Variants in TMC5 observed in about 807,000 individuals in gnomAD.
TMC5 encodes transmembrane channel like 5, also known as transmembrane channel-like protein 5.
A neutral mutation model predicts 110.5 loss-of-function variants in TMC5; 86 were observed. The observed-to-expected ratio is 0.78, with a 90% CI of 0.65 to 0.93. The LOEUF is 0.93. Among genes scored for constraint, TMC5 ranks in the 40% least tolerant of loss-of-function variants. The pLI is 0.00. For synonymous variants in TMC5, 455 were observed against 439.5 expected (o/e 1.04, Z -0.44); for missense variants, 1,144 against 1,222.8 (o/e 0.94, Z 0.96).
chr16:19,441,041 C>A (rs1057083643), intron 3 of TMC5, among the ~76,000 whole-genome samples: 1 of 152,188 alleles, frequency 6.6e-6, no homozygotes, highest in African/African-American at 2.4e-5. Context: ...CTTAATCTTT[C>A]ACCATCTCTT....
chr16:19,432,805 A>T (rs1360754765), intron 2 of TMC5, among the ~76,000 whole-genome samples: 3 of 152,154 alleles, frequency 2.0e-5, no homozygotes, highest in Admixed American at 6.6e-5. Flanking sequence ...GATCACATAT[A>T]ACATCCATCT....
At chr16:19,421,949 G>A (rs914414072) in intron 1 of TMC5, among the ~76,000 whole-genome samples, 1 of 151,700 alleles carries the variant, frequency 6.6e-6, no homozygotes, top group Non-Finnish European at 1.5e-5. Context: ...AGAGAGAGAG[G>A]GCCGGGCGCG....
At chr16:19,452,888 A>G (rs1259769571) in intron 5 of TMC5, among the ~76,000 whole-genome samples, 2 of 152,082 alleles carry the variant, frequency 1.3e-5, no homozygotes, top group African/African-American at 4.8e-5. Flanking sequence ...AGAGCAAATG[A>G]AAAGAGGCAG....
intron 5 of TMC5, chr16:19,457,013 C>G (rs1393243635): frequency 1.4e-5 from 23 of 1,599,942 alleles, no homozygotes; most frequent in Non-Finnish European, 2.0e-5. Context: ...TGAAACTGTT[C>G]AAGGTAGTGA....
At chr16:19,416,224 C>T (rs1465344123), upstream of TMC5, among the ~76,000 whole-genome samples, 1 of 151,484 alleles carries the variant, frequency 6.6e-6, no homozygotes, top group Non-Finnish European at 1.5e-5. Flanking sequence ...TAACTATAGA[C>T]CCCAATACTT....
At chr16:19,450,006 G>A (rs16972016) in intron 5 of TMC5, among the ~76,000 whole-genome samples, 10,730 of 152,240 alleles carry the variant, frequency 0.07, 769 homozygotes, top group African/African-American at 0.19. Flanking sequence ...GACTAATACA[G>A]TAAGACTTAA....
Position 19,440,687 on chromosome 16 carries a change from C to T in TMC5, c.649C>T (p.Pro217Ser). 6.2e-7 allele frequency: 1 copy of T among 1,614,174 alleles called. No individual in the cohort carries two copies. The highest frequency in any genetic ancestry group is 8.5e-7 in the Non-Finnish European group (1 of 1,180,030). The change falls in exon 3 of 22, where the codon CCA (proline) becomes TCA (serine). Residue 217 changes from proline to serine, a missense_variant. By Grantham distance (74) the Pro-to-Ser change is moderately conservative. Coordinates refer to ENST00000542583, the MANE Select transcript of TMC5 (RefSeq NM_001261841.2). ...YPGADIQPNS[P>S]PFFGEPDYPS... ...AGGCGCTGACATTCAACCTAACTCT[C>T]CACCCTTTTTTGGGGAGCCAGACTA...
chr16:19,453,784 AAAAC>A (rs1967803271), intron 5 of TMC5, among the ~76,000 whole-genome samples: 1 of 152,102 alleles, frequency 6.6e-6, no homozygotes, highest in African/African-American at 2.4e-5. Context: ...GAAAGAAAGA[AAAAC>A]AAAAGATAGC....
At chr16:19,480,371 AT>A (rs1479216551) in intron 14 of TMC5, among the ~76,000 whole-genome samples, 1 of 152,088 alleles carries the variant, frequency 6.6e-6, no homozygotes, top group African/African-American at 2.4e-5. Context: ...ACATTTATGT[AT>A]TTCCGCAAGC....
intron 19 of TMC5, among the ~76,000 whole-genome samples, chr16:19,493,653 G>GT (rs1171196904): frequency 6.6e-6 from 1 of 152,006 alleles, no homozygotes; most frequent in Admixed American, 6.5e-5. Context: ...TAGAGACGGG[G>GT]TTTCACCATG....
chr16:19,472,037 A>G, intron 10 of TMC5, 51 bp from the exon 11 acceptor site: 1 of 1,592,950 alleles, frequency 6.3e-7, no homozygotes. Context: ...CTGGGATTAC[A>G]GGCGTGAGCC....
At chr16:19,418,281 G>T (rs946722011) in intron 1 of TMC5, among the ~76,000 whole-genome samples, 189 bp downstream of exon 1, 3 of 152,188 alleles carry the variant, frequency 2.0e-5, no homozygotes, top group African/African-American at 7.2e-5. Context: ...GGAGGCAAGA[G>T]AGTGTTGATT....
At chr16:19,483,804 G>GAAAA in intron 15 of TMC5, among the ~76,000 whole-genome samples, 1 of 150,866 alleles carries the variant, frequency 6.6e-6, no homozygotes, top group East Asian at 1.9e-4. Flanking sequence ...GAAAAGAAAA[G>GAAAA]GCCAGGCACG....
In TMC5 at chr16:19,497,991, A is replaced by G; in HGVS notation, c.*25A>G. ...ATGACTCTTTTGGTAACCAGACACC[A>G]ATCAAATAAGGGGAGGAGACGAAAA... is the stretch of plus-strand genomic sequence containing the variant. On this transcript the variant is annotated 3_prime_UTR_variant, in exon 22 of 22. Coordinates refer to ENST00000542583, the MANE Select transcript of TMC5 (RefSeq NM_001261841.2). The G allele has an allele frequency of 6.2e-7, 1 of 1,609,592 alleles. No individual in the cohort carries two copies. The highest frequency in any genetic ancestry group is 8.5e-7 in the Non-Finnish European group (1 of 1,175,910).
chr16:19,461,614 A>G (rs1448781343), intron 6 of TMC5, among the ~76,000 whole-genome samples: 1 of 152,140 alleles, frequency 6.6e-6, no homozygotes, highest in Non-Finnish European at 1.5e-5. Flanking sequence ...AAAAATACAT[A>G]AAGACCTTAG....
intron 9 of TMC5, among the ~76,000 whole-genome samples, chr16:19,466,597 C>T (rs1437707994): frequency 6.6e-6 from 1 of 152,204 alleles, no homozygotes; most frequent in African/African-American, 2.4e-5. Context: ...GGTGGTCCAC[C>T]CGCCTCGGCC....
chr16:19,494,159 C>G, intron 19 of TMC5, 103 bp from the exon 20 acceptor site: 1 of 851,284 alleles, frequency 1.2e-6, no homozygotes, highest in Non-Finnish European at 1.9e-6. Flanking sequence ...AGGATCCTAG[C>G]TGCCTGAAAA....
chr16:19,494,912 A>C (rs940879802), intron 20 of TMC5, among the ~76,000 whole-genome samples: 10 of 151,974 alleles, frequency 6.6e-5, no homozygotes, highest in Admixed American at 2.0e-4. Flanking sequence ...TGGAACTTGC[A>C]CGCTTGTTTT....
chr16:19,474,988 GC>G (rs1474296454), intron 12 of TMC5: 1 of 152,264 alleles, frequency 6.6e-6, no homozygotes, highest in African/African-American at 2.4e-5. Context: ...CCCATGGGGT[GC>G]CTTTTTGTGA....
Sources: gnomAD v4.1 joint callset for allele counts (sites outside exome capture counted in the v4.1 genomes callset) on GRCh38, gnomAD v4.1.1 for gene constraint, MANE v1.5 for transcripts, NCBI Gene and HGNC (gene_info 2026-07-23, HGNC 2026-07-21) for gene names.